The following ITGA8 variants were observed in gnomAD, a reference collection of about 807,000 sequenced individuals.
ITGA8 encodes integrin subunit alpha 8, also known as integrin alpha-8.
A neutral mutation model predicts 142.3 loss-of-function variants in ITGA8; 91 were observed. The ratio of observed to expected loss-of-function variants is 0.64; its 90% CI spans 0.54 to 0.76. The LOEUF (loss-of-function observed/expected upper bound fraction) is 0.76. Among genes scored for constraint, ITGA8 ranks in the 30% least tolerant of loss-of-function variants. The probability of loss-of-function intolerance (pLI) is 0.00; values close to 1 mark genes in which losing one functional copy is unlikely to be tolerated. For missense variants in ITGA8, 1,406 were observed against 1,327.7 expected (o/e 1.06, Z -0.92); for synonymous variants, 505 against 485.2 (o/e 1.04, Z -0.54).
chr10:15,706,108 C>A (rs1835253216), intron 2 of ITGA8, among the ~76,000 whole-genome samples: 1 of 152,156 alleles, frequency 6.6e-6, no homozygotes, highest in Non-Finnish European at 1.5e-5. Flanking sequence ...GTTGGGAGGT[C>A]TAATAAGCAT....
chr10:15,523,316 AAGTTTTTTTTGT>A lies in ITGA8; in HGVS notation c.2983-3916_2983-3905del, dbSNP rs1303245352. 3.8e-3 allele frequency among the ~76,000 whole-genome samples: 583 copies of A among 152,336 alleles called. 2 individuals carry two copies. The highest frequency in any genetic ancestry group is 0.013 in the African/African-American group (560 of 41,570). On this transcript the variant is annotated intron_variant, in intron 28 of 29. Transcript: ENST00000378076. ...TACAAAGAGCTAACAAAGACATTTA[AAGTTTTTTTTGT>A]AGCAGTGATGAAAAAGTATAATGAA...
chr10:15,576,712 CTT>C (rs1165467252), intron 23 of ITGA8, among the ~76,000 whole-genome samples: 1 of 152,148 alleles, frequency 6.6e-6, no homozygotes, highest in Non-Finnish European at 1.5e-5. Context: ...ATGATAAACT[CTT>C]TGGTTTGTGT....
chr10:15,572,874 T>C (rs553926996), intron 24 of ITGA8, among the ~76,000 whole-genome samples: 1 of 152,120 alleles, frequency 6.6e-6, no homozygotes, highest in African/African-American at 2.4e-5. Flanking sequence ...TCATTTCGAG[T>C]GCGTGTTTCA....
At chr10:15,591,644 G>T (rs1468716314) in intron 22 of ITGA8, among the ~76,000 whole-genome samples, 1 of 152,064 alleles carries the variant, frequency 6.6e-6, no homozygotes, top group Non-Finnish European at 1.5e-5. Context: ...TGGTAAGAGG[G>T]TAAAGTTACA....
intron 27 of ITGA8, among the ~76,000 whole-genome samples, chr10:15,546,941 C>T (rs563556965): frequency 2.0e-5 from 3 of 151,802 alleles, no homozygotes; most frequent in South Asian, 2.1e-4. Flanking sequence ...TAATTTCCCT[C>T]GTTTTTATTT....
At chr10:15,543,508 C>A (rs1387128165) in intron 27 of ITGA8, among the ~76,000 whole-genome samples, 1 of 152,156 alleles carries the variant, frequency 6.6e-6, no homozygotes, top group Non-Finnish European at 1.5e-5. Flanking sequence ...CAAAATGTTG[C>A]CCATTTAGTG....
chr10:15,652,080 G>A (rs1264237608), intron 11 of ITGA8, among the ~76,000 whole-genome samples: 2 of 152,168 alleles, frequency 1.3e-5, no homozygotes, highest in East Asian at 3.8e-4. Context: ...AGAACTTCAA[G>A]AAAGAAGAAA....
At chr10:15,704,861 A>G (rs1003937907) in intron 2 of ITGA8, among the ~76,000 whole-genome samples, 1 of 152,202 alleles carries the variant, frequency 6.6e-6, no homozygotes, top group African/African-American at 2.4e-5. Context: ...GCCTCCCAAT[A>G]ACACTTGAAA....
chr10:15,644,433 AATATATATATATATATATATATAT>A (rs57868499), intron 12 of ITGA8, among the ~76,000 whole-genome samples: 2,443 of 42,396 alleles, frequency 0.058, 191 homozygotes, highest in South Asian at 0.14. Context: ...ATGTCAGGCT[AATATATATATATATATATATATAT>A]ATATATATAT....
At chr10:15,647,383 T>C (rs1056881698) in intron 11 of ITGA8, among the ~76,000 whole-genome samples, 6 of 151,076 alleles carry the variant, frequency 4.0e-5, no homozygotes, top group Admixed American at 2.0e-4. Context: ...AAGAACAAAA[T>C]AGCTTTTTGT....
chr10:15,640,119 T>C (rs1833844524), intron 13 of ITGA8, among the ~76,000 whole-genome samples: 1 of 152,194 alleles, frequency 6.6e-6, no homozygotes, highest in African/African-American at 2.4e-5. Flanking sequence ...GCAAAAGGCA[T>C]GCAGTTTATA....
chr10:15,669,597 G>A (rs1042870730), intron 8 of ITGA8, among the ~76,000 whole-genome samples: 1 of 152,164 alleles, frequency 6.6e-6, no homozygotes, highest in Non-Finnish European at 1.5e-5. Flanking sequence ...GAGGTGCTCT[G>A]ATTTTTAGCA....
chr10:15,598,044 C>T (rs1255744058), intron 20 of ITGA8, among the ~76,000 whole-genome samples: 3 of 152,174 alleles, frequency 2.0e-5, no homozygotes, highest in African/African-American at 4.8e-5. Flanking sequence ...CCCAGTTGCT[C>T]AGAAACCCAC....
At chr10:15,632,794 CTA>C (rs1309826908) in intron 13 of ITGA8, among the ~76,000 whole-genome samples, 1 of 151,980 alleles carries the variant, frequency 6.6e-6, no homozygotes, top group African/African-American at 2.4e-5. Flanking sequence ...ATATAAAGGC[CTA>C]TTTCAAGGTT....
intron 25 of ITGA8, among the ~76,000 whole-genome samples, chr10:15,562,837 G>A (rs1360948001): frequency 6.6e-6 from 1 of 152,172 alleles, no homozygotes; most frequent in African/African-American, 2.4e-5. Context: ...AAGCCCCACA[G>A]TTGATCGAGG....
chr10:15,654,400 T>C (rs1025698109), intron 11 of ITGA8, among the ~76,000 whole-genome samples: 33 of 152,318 alleles, frequency 2.2e-4, no homozygotes, highest in Admixed American at 1.8e-3. Context: ...TGCCTGTTAG[T>C]GCACAGTAGA....
chr10:15,562,267 C>T (rs1054929688), intron 25 of ITGA8, among the ~76,000 whole-genome samples: 2 of 152,144 alleles, frequency 1.3e-5, no homozygotes, highest in African/African-American at 4.8e-5. Context: ...GACAAGGCAA[C>T]GAGGAGGGTG....
intron 27 of ITGA8, among the ~76,000 whole-genome samples, chr10:15,543,294 G>C (rs1833606931): frequency 6.6e-6 from 1 of 152,158 alleles, no homozygotes; most frequent in Non-Finnish European, 1.5e-5. Context: ...ATATCTCCTA[G>C]AACTTGAATT....
At chr10:15,644,469 TATATATATATATATATATATATAG>T (rs1190366508) in intron 12 of ITGA8, among the ~76,000 whole-genome samples, 279 of 17,106 alleles carry the variant, frequency 0.016, 3 homozygotes, top group Non-Finnish European at 0.024. Flanking sequence ...TATATATATA[TATATATATATATATATATATATAG>T]AATTTTTTTT....
Sources: allele counts gnomAD v4.1 joint callset (sites outside exome capture counted in the v4.1 genomes callset), GRCh38; gene constraint gnomAD v4.1.1; transcripts MANE v1.5; gene names NCBI Gene and HGNC (gene_info 2026-07-23, HGNC 2026-07-21).